The following C12orf43 variants were observed in gnomAD, a reference collection of about 807,000 sequenced individuals.
C12orf43 encodes chromosome 12 open reading frame 43.
C12orf43 carries 15 observed loss-of-function variants against 20.6 expected under a neutral mutation model. The observed-to-expected ratio is 0.73, with a 90% confidence interval of 0.49 to 1.12. C12orf43 has a LOEUF of 1.12. Among genes scored for constraint, C12orf43 ranks in the 50% most tolerant of loss-of-function variants. The probability of loss-of-function intolerance (pLI) is 0.00; values close to 1 mark genes in which losing one functional copy is unlikely to be tolerated. For missense variants in C12orf43, 334 were observed against 344.4 expected (o/e 0.97, Z 0.24); for synonymous variants, 144 against 130.8 (o/e 1.10, Z -0.69).
chr12:121,012,849 TAAAAAAAA>T (rs10636003), intron 1 of C12orf43, among the ~76,000 whole-genome samples: 10 of 92,002 alleles, frequency 1.1e-4, no homozygotes, highest in Non-Finnish European at 1.7e-4. Flanking sequence ...AGACTCCGTC[TAAAAAAAA>T]AAAAAAAAAA....
At chr12:121,012,849 T>TAAAAAAAAAAA (rs10636003) in intron 1 of C12orf43, among the ~76,000 whole-genome samples, 2 of 91,990 alleles carry the variant, frequency 2.2e-5, no homozygotes, top group Non-Finnish European at 4.3e-5. Context: ...AGACTCCGTC[T>TAAAAAAAAAAA]AAAAAAAAAA....
In C12orf43 at chr12:121,004,444, C is replaced by G; in HGVS notation, c.498G>C (p.Val166=). 6.2e-7 allele frequency: 1 copy of G among 1,611,980 alleles called. No homozygotes were observed. Among genetic ancestry groups the G allele is most frequent in the Non-Finnish European group, 8.5e-7 (1 of 1,179,218 alleles). ...ACTCCTGTAGGATGTCGGACGCCGA[C>G]ACAGCTGCCTCCCGGCACCGCCGCC... ...EEWRRCREAA[V]SASDILQESA... The change falls in exon 6 of 6, where the codon GTG becomes GTC. Residue 166 remains valine, a synonymous_variant. Coordinates refer to ENST00000288757, the MANE Select transcript of C12orf43 (RefSeq NM_022895.3). The surrounding 1 kb of genome is among the most constrained non-coding windows in gnomAD (Gnocchi z 5.6).
chr12:121,015,890 A>G (rs756911347), intron 1 of C12orf43, among the ~76,000 whole-genome samples: 1 of 152,188 alleles, frequency 6.6e-6, no homozygotes, highest in South Asian at 2.1e-4. Flanking sequence ...AGGCCCCTTG[A>G]TGTTGCGGGG....
At chr12:121,016,150 A>G in intron 1 of C12orf43, 180 bp downstream of exon 1, 1 of 947,230 alleles carries the variant, frequency 1.1e-6, no homozygotes, top group Non-Finnish European at 1.6e-6. Context: ...CGACTGGAAT[A>G]ATGAAATACC....
At chr12:121,009,191 A>T (rs1232957069) in intron 3 of C12orf43, among the ~76,000 whole-genome samples, 1 of 152,182 alleles carries the variant, frequency 6.6e-6, no homozygotes, top group African/African-American at 2.4e-5. Flanking sequence ...TACACCTGCA[A>T]TCCCAGCACT....
intron 1 of C12orf43, among the ~76,000 whole-genome samples, chr12:121,014,057 G>A (rs1326679933): frequency 6.6e-6 from 1 of 152,210 alleles, no homozygotes; most frequent in African/African-American, 2.4e-5. Flanking sequence ...GCTGGGTGTG[G>A]TGGCTCATGC....
intron 3 of C12orf43, among the ~76,000 whole-genome samples, chr12:121,010,473 A>G (rs567726757): frequency 1.3e-5 from 2 of 152,284 alleles, no homozygotes; most frequent in South Asian, 4.1e-4. Flanking sequence ...CCATCTGTAC[A>G]GTGGGAATGA....
chr12:121,014,991 G>A (rs1039026248), intron 1 of C12orf43, among the ~76,000 whole-genome samples: 1 of 152,060 alleles, frequency 6.6e-6, no homozygotes, highest in Non-Finnish European at 1.5e-5. Flanking sequence ...GAATTAGGCA[G>A]GAGGAGGAAA....
chr12:121,008,007 T>C (rs886668074), intron 3 of C12orf43, among the ~76,000 whole-genome samples: 1 of 104,192 alleles, frequency 9.6e-6, no homozygotes, highest in African/African-American at 3.9e-5. Flanking sequence ...GCCAGGGATG[T>C]TGGTAAACAT....
In C12orf43 at chr12:121,004,362, T is replaced by A. The variant is rs776569955; in HGVS notation, c.580A>T (p.Lys194Ter). Reference sequence around the variant, plus strand: ...CTGGCCACCTTCTTGGCTTTCTTTTTCAACTTCCTTTTCTTCTTTGCCTCC... The same window carrying A: ...CTGGCCACCTTCTTGGCTTTCTTTTACAACTTCCTTTTCTTCTTTGCCTCC... ...EKEAKKKRKL[K>*]KKAKKVASVD... Residue 194 changes from lysine (K) to a stop codon, truncating the protein, a stop_gained, in exon 6 of 6, where the codon AAA becomes TAA. Transcript: ENST00000288757. LOFTEE classifies it low-confidence loss of function (END_TRUNC). The surrounding 1 kb of genome is among the most constrained non-coding windows in gnomAD (Gnocchi z 5.6). The A allele has an allele frequency of 1.2e-6, 2 of 1,614,208 alleles. No individual in the cohort carries two copies. Among genetic ancestry groups the A allele is most frequent in the Non-Finnish European group, 8.5e-7 (1 of 1,180,040 alleles).
Position 121,004,010 on chromosome 12 carries a change from A to C in C12orf43, c.*143T>G, listed in dbSNP as rs766329135. 4 of 928,744 alleles carry C rather than the reference A, an allele frequency of 4.3e-6. No homozygotes were observed. The highest frequency in any genetic ancestry group is 6.8e-6 in the Non-Finnish European group (4 of 584,140). 57.5% of individuals were successfully genotyped at this position (928,744 alleles called of 1,614,324 possible). ...AACTCTCGAGCAAGCCTTCATCACC[A>C]TCAGGGTCTCATGGGCAGTCTGGGT... On this transcript the variant is annotated 3_prime_UTR_variant, in exon 6 of 6. Coordinates refer to ENST00000288757, the MANE Select transcript of C12orf43 (RefSeq NM_022895.3). The surrounding 1 kb of genome is among the most constrained non-coding windows in gnomAD (Gnocchi z 5.6).
In C12orf43 at chr12:121,005,313, A is replaced by G. The variant is rs1169314; in HGVS notation, c.362-220T>C. Among the ~76,000 whole-genome samples the G allele has an allele frequency of 0.28, 42,108 of 151,986 alleles. 6,568 individuals are homozygous for G. Among genetic ancestry groups the G allele is most frequent in the Middle Eastern group, 0.51 (150 of 294 alleles). On this transcript the variant is annotated intron_variant, in intron 4 of 5. Coordinates refer to ENST00000288757, the MANE Select transcript of C12orf43 (RefSeq NM_022895.3). The surrounding 1 kb of genome is among the most constrained non-coding windows in gnomAD (Gnocchi z 5.6). ...AAACCCAACCAAGCAAACAAACAAA[A>G]AAAACAAAGGAGCAGAGTCAGCACC...
intron 1 of C12orf43, among the ~76,000 whole-genome samples, chr12:121,015,490 A>C (rs2135890742): frequency 6.6e-6 from 1 of 152,380 alleles, no homozygotes; most frequent in Middle Eastern, 3.4e-3. Context: ...ATACAGGATT[A>C]CAAAGAAAAC....
rs1345228983 is a variant in C12orf43 at position 121,001,399 on chromosome 12, G to C, written c.*2754C>G. 1.8e-5 allele frequency: 11 copies of C among 613,096 alleles called. No homozygotes were observed. Among genetic ancestry groups the C allele is most frequent in the South Asian group, 3.9e-5 (2 of 51,904 alleles). The allele number at this position is 613,096 out of a possible 1,614,324, so 38.0% of individuals were successfully genotyped here. A position where few individuals can be genotyped will look rare whatever the true frequency, so the allele number is the denominator to read the frequency against. ...TGGAGGCTGCTCGGGGTGCACAGGA[G>C]GGGGTCGTGGAGAGCTAGGAGCAAA... On this transcript the variant is annotated 3_prime_UTR_variant, in exon 6 of 6. Coordinates refer to ENST00000288757, the MANE Select transcript of C12orf43 (RefSeq NM_022895.3).
Position 121,004,495 on chromosome 12 carries a change from G to A in C12orf43, c.453-6C>T. On this transcript the variant is annotated splice_polypyrimidine_tract_variant and splice_region_variant and intron_variant, in intron 5 of 5. Coordinates refer to ENST00000288757, the MANE Select transcript of C12orf43 (RefSeq NM_022895.3). This position sits in a 1 kb window ranked among gnomAD's most constrained non-coding sequence, Gnocchi z 5.6. Reference sequence around the variant, plus strand: ...ACTCCTCGTCACTGTCCTCACTGCTGCAACGAGAGGGTACCCTGGGTTAGC... The same window carrying A: ...ACTCCTCGTCACTGTCCTCACTGCTACAACGAGAGGGTACCCTGGGTTAGC... 3.8e-6 allele frequency: 6 copies of A among 1,586,592 alleles called. No homozygotes were observed. The highest frequency in any genetic ancestry group is 4.3e-6 in the Non-Finnish European group (5 of 1,167,786).
chr12:121,016,298 C>CTCAGCCA (rs1170783944), intron 1 of C12orf43, 32 bp downstream of exon 1: 2 of 1,612,684 alleles, frequency 1.2e-6, no homozygotes, highest in South Asian at 2.2e-5. Flanking sequence ...TCCCACGCCC[C>CTCAGCCA]TCAGCCAGTC....
intron 3 of C12orf43, 30 bp downstream of exon 3, chr12:121,010,798 C>T: frequency 3.2e-6 from 5 of 1,562,476 alleles, no homozygotes; most frequent in Non-Finnish European, 4.4e-6. Context: ...TTAACAAGGG[C>T]AAGAGAGGAG....
intron 1 of C12orf43, chr12:121,012,479 G>A (rs1316940131): frequency 1.4e-6 from 1 of 702,464 alleles, no homozygotes; most frequent in African/African-American, 1.7e-5. Context: ...GAGACTGTTG[G>A]GGCAAAGGCA....
intron 4 of C12orf43, 104 bp downstream of exon 4, chr12:121,006,217 A>C (rs1565894338): frequency 5.2e-6 from 5 of 957,854 alleles, no homozygotes; most frequent in African/African-American, 1.7e-5. Flanking sequence ...TCCTATCTCA[A>C]AAAAAGAAAA....
Sources: allele counts gnomAD v4.1 joint callset (sites outside exome capture counted in the v4.1 genomes callset), GRCh38; gene constraint gnomAD v4.1.1; non-coding constraint Gnocchi (gnomAD v3.1); transcripts MANE v1.5; gene names NCBI Gene and HGNC (gene_info 2026-07-23, HGNC 2026-07-21).